ARHGAP23: variants seen among roughly 807,000 people sequenced by gnomAD.
ARHGAP23 encodes the protein Rho GTPase activating protein 23.
A neutral mutation model predicts 136.3 loss-of-function variants in ARHGAP23; 34 were observed. That is an observed-to-expected ratio of 0.25 (90% CI 0.19 to 0.33). The LOEUF (loss-of-function observed/expected upper bound fraction) is 0.33. Among genes scored for constraint, ARHGAP23 ranks in the 10% least tolerant of loss-of-function variants. ARHGAP23 has a pLI of 1.00. For missense variants in ARHGAP23, 1,808 were observed against 2,139.0 expected, an observed-to-expected ratio of 0.85 and a Z score of 3.05; for synonymous variants, 832 against 920.5, an observed-to-expected ratio of 0.90 and a Z score of 1.74.
At chr17:38,472,115 T>C (rs2039774760) in intron 11 of ARHGAP23, 109 bp downstream of exon 11, 28 of 1,243,256 alleles carry the variant, frequency 2.3e-5, no homozygotes, top group Non-Finnish European at 2.8e-5. Context: ...GTGTAGGTTG[T>C]TGCATGAAGG....
intron 1 of ARHGAP23, among the ~76,000 whole-genome samples, chr17:38,419,850 G>A (rs891795513): frequency 7.3e-5 from 11 of 150,232 alleles, no homozygotes; most frequent in Non-Finnish European, 1.6e-4. Flanking sequence ...CCTCCTGGTG[G>A]GACCTCAAGA....
chr17:38,441,729 T>A (rs1179557795), intron 1 of ARHGAP23, among the ~76,000 whole-genome samples: 1 of 152,040 alleles, frequency 6.6e-6, no homozygotes, highest in Non-Finnish European at 1.5e-5. Flanking sequence ...GGGTAAGGGT[T>A]GAGTCAAGGG....
At chr17:38,504,978 C>A (rs1445792962) in intron 23 of ARHGAP23, among the ~76,000 whole-genome samples, 1 of 43,112 alleles carries the variant, frequency 2.3e-5, no homozygotes, top group Non-Finnish European at 4.9e-5. Context: ...CCCTTATCAT[C>A]TTTTTTTTTT....
intron 1 of ARHGAP23, among the ~76,000 whole-genome samples, chr17:38,422,926 G>A (rs1238077075): frequency 6.6e-6 from 1 of 152,120 alleles, no homozygotes; most frequent in Non-Finnish European, 1.5e-5. Context: ...TGTGGCCAGC[G>A]CCTGTGCCCC....
At chr17:38,507,300 T>TAATAATAATAATAATAAC (rs745375857) in intron 23 of ARHGAP23, among the ~76,000 whole-genome samples, 1,898 of 150,258 alleles carry the variant, frequency 0.013, 22 homozygotes, top group Non-Finnish European at 0.019. Context: ...ATAATAATAA[T>TAATAATAATAATAATAAC]AATAATGCTC....
At chr17:38,446,181 ATTTT>A (rs5820259) in intron 1 of ARHGAP23, among the ~76,000 whole-genome samples, 2,120 of 99,618 alleles carry the variant, frequency 0.021, 70 homozygotes, top group East Asian at 0.082. Context: ...CACCTGGCTA[ATTTT>A]TTTTTTTTTT....
At chr17:38,434,491 C>CAT (rs2038751088) in intron 1 of ARHGAP23, among the ~76,000 whole-genome samples, 1 of 152,116 alleles carries the variant, frequency 6.6e-6, no homozygotes, top group Non-Finnish European at 1.5e-5. Context: ...TGGGGCGGGG[C>CAT]GTGGGGATGA....
chr17:38,466,255 C>T lies in ARHGAP23; in HGVS notation c.572C>T (p.Pro191Leu), dbSNP rs1352327951. 1 of 1,549,010 alleles carries T rather than the reference C, an allele frequency of 6.5e-7. No homozygotes were observed. Among genetic ancestry groups the T allele is most frequent in the Admixed American group, 2.0e-5 (1 of 50,886 alleles). The change falls in exon 7 of 24, where the codon CCC becomes CTC. Residue 191 changes from proline to leucine, a missense_variant. Transcript: ENST00000622683. ...CCAGAGCCACCCCCGATCTGCTACC[C>T]CCGCAAGACCTACGCCCCTCCTGCC... Reference protein sequence around the residue: ...SIPEPPPICYPRKTYAPPARA... With the variant: ...SIPEPPPICYLRKTYAPPARA...
At chr17:38,508,841 C>G (rs1359124796) in intron 23 of ARHGAP23, among the ~76,000 whole-genome samples, 2 of 152,014 alleles carry the variant, frequency 1.3e-5, no homozygotes, top group Admixed American at 6.6e-5. Flanking sequence ...GTTTTAAGAG[C>G]CTACAGACAC....
chr17:38,470,191 C>T (rs146953130), intron 10 of ARHGAP23, among the ~76,000 whole-genome samples: 106 of 152,342 alleles, frequency 7.0e-4, no homozygotes, highest in Middle Eastern at 3.4e-3. Flanking sequence ...CCTGTCTTCG[C>T]GGCTTTTTAG....
At chr17:38,457,492 G>T (rs61240838) in intron 1 of ARHGAP23, 9,945 of 156,258 alleles carry the variant, frequency 0.064, 1,078 homozygotes, top group African/African-American at 0.22. Context: ...GTGTGTGCAG[G>T]ACTTTGATTC....
chr17:38,456,770 C>T (rs1001341309), intron 1 of ARHGAP23, among the ~76,000 whole-genome samples: 6 of 152,196 alleles, frequency 3.9e-5, no homozygotes, highest in African/African-American at 1.4e-4. Flanking sequence ...CTGTCTCAGG[C>T]ACTGTTTTTC....
At chr17:38,488,667 G>A (rs1443693323) in intron 17 of ARHGAP23, among the ~76,000 whole-genome samples, 1 of 152,082 alleles carries the variant, frequency 6.6e-6, no homozygotes, top group East Asian at 1.9e-4. Context: ...TCCTGCCTCA[G>A]TCTCCCGAAC....
intron 1 of ARHGAP23, chr17:38,451,722 T>G (rs1294541327): frequency 6.6e-6 from 1 of 152,302 alleles, no homozygotes; most frequent in Non-Finnish European, 1.5e-5. Context: ...GGGGACATCT[T>G]GATGGTGGTT....
At chr17:38,502,688 T>C (rs540160562) in intron 23 of ARHGAP23, among the ~76,000 whole-genome samples, 1 of 152,268 alleles carries the variant, frequency 6.6e-6, no homozygotes, top group Admixed American at 6.5e-5. Flanking sequence ...AGAAGTCCGA[T>C]TGTGAAGAGA....
chr17:38,467,995 T>G (rs2039654106), intron 7 of ARHGAP23, among the ~76,000 whole-genome samples: 1 of 152,110 alleles, frequency 6.6e-6, no homozygotes, highest in Non-Finnish European at 1.5e-5. Flanking sequence ...GACAATCCAT[T>G]GGGATGGGCG....
At chr17:38,456,305 G>A (rs1440221248) in intron 1 of ARHGAP23, among the ~76,000 whole-genome samples, 2 of 152,180 alleles carry the variant, frequency 1.3e-5, no homozygotes, top group African/African-American at 4.8e-5. Flanking sequence ...CCCTCCACTG[G>A]GTGTGTGGAC....
intron 11 of ARHGAP23, among the ~76,000 whole-genome samples, chr17:38,472,272 G>A (rs1698113610): frequency 6.6e-6 from 1 of 152,186 alleles, no homozygotes; most frequent in Non-Finnish European, 1.5e-5. Flanking sequence ...TCCCACACGG[G>A]CCCTGGCTTG....
At chr17:38,478,785 G>A (rs1182843890) in intron 12 of ARHGAP23, among the ~76,000 whole-genome samples, 1 of 152,122 alleles carries the variant, frequency 6.6e-6, no homozygotes, top group Non-Finnish European at 1.5e-5. Flanking sequence ...ATTCCTCCCT[G>A]TTTACTTCTT....
Sources: gnomAD v4.1 joint callset for allele counts (sites outside exome capture counted in the v4.1 genomes callset) on GRCh38, gnomAD v4.1.1 for gene constraint, MANE v1.5 for transcripts, NCBI Gene and HGNC (gene_info 2026-07-23, HGNC 2026-07-21) for gene names.